Variants in EPHA6 observed in about 807,000 individuals in gnomAD.
The protein encoded by EPHA6 is ephrin type-A receptor 6.
EPHA6 carries 50 observed loss-of-function variants against 112.0 expected under a neutral mutation model. The ratio of observed to expected loss-of-function variants is 0.45; its 90% CI spans 0.36 to 0.56. The LOEUF (loss-of-function observed/expected upper bound fraction) is 0.56, where lower values mean the gene tolerates loss of function less well. Ranked by LOEUF, EPHA6 falls within the 20% of genes least tolerant of loss-of-function variation. EPHA6 has a pLI of 0.00. For synonymous variants in EPHA6, 529 were observed against 490.7 expected (o/e 1.08, Z -1.03); for missense variants, 1,280 against 1,417.4 (o/e 0.90, Z 1.56).
At chr3:97,583,235 G>T (rs563919520) in intron 11 of EPHA6, among the ~76,000 whole-genome samples, 2 of 151,760 alleles carry the variant, frequency 1.3e-5, no homozygotes, top group African/African-American at 4.8e-5. Context: ...GTGTAAAATG[G>T]TTTTTTAGAA....
intron 11 of EPHA6, among the ~76,000 whole-genome samples, chr3:97,575,735 T>C (rs1335961185): frequency 6.6e-6 from 1 of 152,160 alleles, no homozygotes; most frequent in African/African-American, 2.4e-5. Context: ...CATTCGCATT[T>C]TAGAAATATT....
At chr3:97,345,770 G>A (rs1197905263) in intron 5 of EPHA6, among the ~76,000 whole-genome samples, 4 of 151,972 alleles carry the variant, frequency 2.6e-5, no homozygotes. Flanking sequence ...TAATTTAATT[G>A]AGATGAAAAA....
chr3:97,709,831 T>C (rs992701824), intron 14 of EPHA6, among the ~76,000 whole-genome samples: 1 of 152,160 alleles, frequency 6.6e-6, no homozygotes, highest in Non-Finnish European at 1.5e-5. Context: ...GCTCCCTCAC[T>C]CTTACTCTCT....
At chr3:97,458,067 CAAAAAAAAAAAAAAA>C (rs68128372) in intron 7 of EPHA6, among the ~76,000 whole-genome samples, 1 of 50,576 alleles carries the variant, frequency 2.0e-5, no homozygotes, top group African/African-American at 9.0e-5. Context: ...GACTCCGTCT[CAAAAAAAAAAAAAAA>C]AAAAAAAAAA....
At chr3:97,070,028 G>T (rs1358860634) in intron 3 of EPHA6, among the ~76,000 whole-genome samples, 1 of 152,042 alleles carries the variant, frequency 6.6e-6, no homozygotes, top group Non-Finnish European at 1.5e-5. Context: ...CATAGATGCG[G>T]CATGACTGAT....
At chr3:97,256,114 ATTC>A (rs1322164128) in intron 5 of EPHA6, among the ~76,000 whole-genome samples, 2 of 152,110 alleles carry the variant, frequency 1.3e-5, no homozygotes, top group African/African-American at 2.4e-5. Flanking sequence ...AGAGATCCTC[ATTC>A]TTCTACTGCA....
rs562132453 is a variant in EPHA6, at chr3:97,012,005, C to T, written c.1114+24012C>T. The stretch of plus-strand genomic sequence containing the variant: ...CATTATTTCTTTCTCTTTTTTGTGG[C>T]TGCATAGTACTCCATGGTACATATA... On this transcript the variant is annotated intron_variant, in intron 3 of 17. Transcript: ENST00000389672. Among the ~76,000 whole-genome samples, 20 of 152,198 alleles carry T rather than the reference C, an allele frequency of 1.3e-4. No individual in the cohort carries two copies. In the East Asian group the frequency reaches 3.5e-3, roughly 26 times the overall value.
At chr3:97,110,704 T>C (rs1431632137) in intron 3 of EPHA6, among the ~76,000 whole-genome samples, 3 of 151,854 alleles carry the variant, frequency 2.0e-5, no homozygotes, top group Non-Finnish European at 4.4e-5. Flanking sequence ...TTTGTATTTT[T>C]TTTTAGTAGA....
chr3:97,421,439 A>T (rs373173315), intron 6 of EPHA6, among the ~76,000 whole-genome samples: 1 of 152,148 alleles, frequency 6.6e-6, no homozygotes, highest in African/African-American at 2.4e-5. Context: ...ATAAATCTGA[A>T]ATAGTTTTCA....
chr3:97,023,671 T>C (rs942127575), intron 3 of EPHA6, among the ~76,000 whole-genome samples: 1 of 152,046 alleles, frequency 6.6e-6, no homozygotes, highest in Non-Finnish European at 1.5e-5. Flanking sequence ...TTTTTTTTTT[T>C]TACTATTTTA....
chr3:96,934,711 A>G (rs1346044892), intron 2 of EPHA6, among the ~76,000 whole-genome samples: 2 of 151,480 alleles, frequency 1.3e-5, no homozygotes, highest in Non-Finnish European at 3.0e-5. Flanking sequence ...ATATAAAATT[A>G]TAAACTAAGG....
chr3:97,447,274 A>G (rs1035830822), intron 6 of EPHA6, among the ~76,000 whole-genome samples: 2 of 152,188 alleles, frequency 1.3e-5, no homozygotes, highest in Non-Finnish European at 2.9e-5. Context: ...CCATATGTGT[A>G]CATTTTCATA....
intron 1 of EPHA6, among the ~76,000 whole-genome samples, chr3:96,852,161 A>T (rs1005704812): frequency 6.6e-6 from 1 of 152,034 alleles, no homozygotes; most frequent in Non-Finnish European, 1.5e-5. Flanking sequence ...AAAGAATGGA[A>T]ATGCCTCTTT....
intron 14 of EPHA6, among the ~76,000 whole-genome samples, chr3:97,681,765 C>A (rs1275840395): frequency 6.6e-6 from 1 of 151,792 alleles, no homozygotes; most frequent in Non-Finnish European, 1.5e-5. Context: ...GAAATGGTAC[C>A]TTAAAAAGGC....
At position 96,932,025 on chromosome 3, in the gene EPHA6, T is replaced by A. The variant is rs141902531; in HGVS notation, c.451-55305T>A. ...GTGGGCTCATGAGGGGATATCCTGATCTATGTTGCAAAGATCCATGGGAGG... is the reference window on the plus strand; with the variant it reads ...GTGGGCTCATGAGGGGATATCCTGAACTATGTTGCAAAGATCCATGGGAGG... On this transcript the variant is annotated intron_variant, in intron 2 of 17. Transcript: ENST00000389672. Among the ~76,000 whole-genome samples the A allele has an allele frequency of 3.1e-4, 47 of 152,200 alleles. 2 individuals are homozygous for A. In the East Asian group the frequency reaches 8.9e-3, roughly 29 times the overall value.
Position 96,992,189 on chromosome 3 carries a change from C to T in EPHA6, c.1114+4196C>T, listed in dbSNP as rs554295576. ...TTTCTCTCTTCCAAGCTATCACAGG[C>T]AGGATTATTGCCAATTGCTCAGTAC... On this transcript the variant is annotated intron_variant, in intron 3 of 17. Transcript: ENST00000389672. Among the ~76,000 whole-genome samples, 3 of 152,258 alleles carry T rather than the reference C, an allele frequency of 2.0e-5. No homozygotes were observed. In the South Asian group the frequency reaches 6.2e-4, roughly 32 times the overall value.
At chr3:97,217,887 A>AT (rs1304343563) in intron 3 of EPHA6, among the ~76,000 whole-genome samples, 2 of 152,124 alleles carry the variant, frequency 1.3e-5, no homozygotes, top group African/African-American at 2.4e-5. Flanking sequence ...GTATTGTCAT[A>AT]TTTTTTTCTG....
At chr3:97,093,088 A>C (rs2047124592) in intron 3 of EPHA6, among the ~76,000 whole-genome samples, 1 of 152,132 alleles carries the variant, frequency 6.6e-6, no homozygotes, top group African/African-American at 2.4e-5. Flanking sequence ...GTGAGAACCC[A>C]CCAACAAACT....
chr3:97,080,501 T>A (rs926914589), intron 3 of EPHA6, among the ~76,000 whole-genome samples: 1 of 152,128 alleles, frequency 6.6e-6, no homozygotes, highest in Non-Finnish European at 1.5e-5. Flanking sequence ...TGGAAGAGAA[T>A]ATTCAAAGAG....
Sources: allele counts gnomAD v4.1 joint callset (sites outside exome capture counted in the v4.1 genomes callset), GRCh38; gene constraint gnomAD v4.1.1; transcripts MANE v1.5; gene names NCBI Gene and HGNC (gene_info 2026-07-23, HGNC 2026-07-21).